Variants in CTNNA1 observed in about 807,000 individuals in gnomAD.
CTNNA1 encodes the protein catenin alpha 1.
CTNNA1 carries 37 observed loss-of-function variants against 98.4 expected under a neutral mutation model. The observed-to-expected ratio is 0.38, with a 90% CI of 0.29 to 0.49. The LOEUF (loss-of-function observed/expected upper bound fraction) is 0.49. Ranked by LOEUF, CTNNA1 falls within the 20% of genes least tolerant of loss-of-function variation. The pLI, the probability that CTNNA1 is intolerant of heterozygous loss-of-function variation, is 0.95. For missense variants in CTNNA1, 761 were observed against 1,147.2 expected, an observed-to-expected ratio of 0.66 and a Z score of 4.86; for synonymous variants, 404 against 413.2, an observed-to-expected ratio of 0.98 and a Z score of 0.27.
chr5:138,840,370 T>C (rs955386282), intron 7 of CTNNA1, among the ~76,000 whole-genome samples: 8 of 152,218 alleles, frequency 5.3e-5, no homozygotes, highest in African/African-American at 1.9e-4. Flanking sequence ...TAATCATAGC[T>C]GACAGGTCTC....
chr5:138,904,330 T>C lies in CTNNA1; in HGVS notation c.1297-19T>C, dbSNP rs751013107. The C allele has an allele frequency of 6.8e-6, 11 of 1,606,038 alleles. No homozygotes were observed. Among genetic ancestry groups the C allele is most frequent in the Non-Finnish European group, 9.3e-6 (11 of 1,176,526 alleles). On this transcript the variant is annotated intron_variant, in intron 9 of 17. Coordinates refer to ENST00000302763, the MANE Select transcript of CTNNA1 (RefSeq NM_001903.5). The stretch of plus-strand genomic sequence containing the variant: ...GTCAAAAGAGAAAAATCTTTAAAGA[T>C]TATTTTTTATGTTTATAGGTTGCCA...
chr5:138,838,147 C>T (rs1025676275), intron 7 of CTNNA1, among the ~76,000 whole-genome samples: 31 of 152,270 alleles, frequency 2.0e-4, no homozygotes, highest in Non-Finnish European at 3.1e-4. Flanking sequence ...ATGCTATACC[C>T]ACCTCAGCCT....
intron 10 of CTNNA1, chr5:138,904,904 C>T (rs1184858822): frequency 1.3e-5 from 2 of 151,356 alleles, no homozygotes; most frequent in African/African-American, 2.4e-5. Context: ...ACCATCCTGG[C>T]TAAAACGGTG....
At chr5:138,861,261 T>G (rs1280416944) in intron 7 of CTNNA1, among the ~76,000 whole-genome samples, 1 of 152,102 alleles carries the variant, frequency 6.6e-6, no homozygotes, top group Non-Finnish European at 1.5e-5. Flanking sequence ...CCTCAGGTGA[T>G]TTGCCCACTT....
intron 13 of CTNNA1, among the ~76,000 whole-genome samples, chr5:138,928,337 G>A (rs575619204): frequency 1.3e-5 from 2 of 152,266 alleles, no homozygotes; most frequent in African/African-American, 2.4e-5. Context: ...GCTAGGACCA[G>A]TAATCAGTCC....
intron 3 of CTNNA1, among the ~76,000 whole-genome samples, chr5:138,803,395 G>A (rs1035273665): frequency 6.6e-6 from 1 of 152,058 alleles, no homozygotes; most frequent in Non-Finnish European, 1.5e-5. Context: ...GTCTCAAGTG[G>A]TCCTCCTGCC....
At chr5:138,773,592 ACT>A (rs1419900037) in intron 1 of CTNNA1, among the ~76,000 whole-genome samples, 1 of 152,184 alleles carries the variant, frequency 6.6e-6, no homozygotes, top group African/African-American at 2.4e-5. Context: ...TTGAAAATAC[ACT>A]GAGTTCTCAA....
At chr5:138,889,953 C>T (rs999223229) in intron 9 of CTNNA1, among the ~76,000 whole-genome samples, 2 of 152,174 alleles carry the variant, frequency 1.3e-5, no homozygotes, top group Non-Finnish European at 2.9e-5. Flanking sequence ...CTTCTCCTCC[C>T]CTACCACTTT....
At chr5:138,899,342 G>T (rs1757544738) in intron 9 of CTNNA1, among the ~76,000 whole-genome samples, 1 of 152,176 alleles carries the variant, frequency 6.6e-6, no homozygotes, top group African/African-American at 2.4e-5. Context: ...CACCTGCTTA[G>T]AGGTACTACT....
At chr5:138,763,597 G>A (rs1375245333) in intron 1 of CTNNA1, among the ~76,000 whole-genome samples, 1 of 152,048 alleles carries the variant, frequency 6.6e-6, no homozygotes, top group African/African-American at 2.4e-5. Context: ...GCCCACCTTG[G>A]CCTCCAAAGT....
chr5:138,883,372 C>A (rs1753358855), intron 7 of CTNNA1, among the ~76,000 whole-genome samples: 1 of 152,144 alleles, frequency 6.6e-6, no homozygotes, highest in African/African-American at 2.4e-5. Context: ...AATAACTGCT[C>A]CTAAACTGCT....
chr5:138,854,105 G>C (rs999546654), intron 7 of CTNNA1, among the ~76,000 whole-genome samples: 5 of 152,168 alleles, frequency 3.3e-5, no homozygotes, highest in African/African-American at 1.2e-4. Flanking sequence ...TATTACATCT[G>C]CAAGACTTTC....
chr5:138,776,126 A>G (rs1204640737), intron 1 of CTNNA1, among the ~76,000 whole-genome samples: 1 of 127,640 alleles, frequency 7.8e-6, no homozygotes. Context: ...ACAACAGTGG[A>G]GGGAGGGTCA....
rs1756723487 is a variant in CTNNA1 at position 138,794,526 on chromosome 5, TG to T, written c.301+11155del. ...AGGCTTGATTGAGAAGATTAAAGTGTGTTATTCAGGATCATCCTCATGTCAT... is the reference window on the plus strand; with the variant it reads ...AGGCTTGATTGAGAAGATTAAAGTGTTTATTCAGGATCATCCTCATGTCAT... On this transcript the variant is annotated intron_variant, in intron 3 of 17. Coordinates refer to ENST00000302763, the MANE Select transcript of CTNNA1 (RefSeq NM_001903.5). Among the ~76,000 whole-genome samples the T allele has an allele frequency of 2.0e-5, 3 of 152,298 alleles. No homozygotes were observed. The South Asian group carries it at 6.2e-4, about 32-fold the overall frequency.
rs547005940 is a variant in CTNNA1 at position 138,760,752 on chromosome 5, C to A, written c.-3+7242C>A. ...TCTTAAAATTTTTCCAAATTCCTCTCCAGAAATGTACTTTATCATCACCTG... is the reference window on the plus strand; with the variant it reads ...TCTTAAAATTTTTCCAAATTCCTCTACAGAAATGTACTTTATCATCACCTG... On this transcript the variant is annotated intron_variant, in intron 1 of 17. Transcript: ENST00000302763. Among the ~76,000 whole-genome samples, 10 of 152,282 alleles carry A rather than the reference C, an allele frequency of 6.6e-5. No homozygotes were observed. The East Asian group carries it at 1.9e-3, about 29-fold the overall frequency.
chr5:138,916,935 C>T (rs768308281), intron 10 of CTNNA1, among the ~76,000 whole-genome samples: 26 of 151,700 alleles, frequency 1.7e-4, no homozygotes, highest in Admixed American at 7.9e-4. Context: ...CCACCACACC[C>T]GGCCAATTTT....
At chr5:138,789,503 G>A (rs1462880902) in intron 3 of CTNNA1, among the ~76,000 whole-genome samples, 2 of 152,124 alleles carry the variant, frequency 1.3e-5, no homozygotes, top group African/African-American at 4.8e-5. Flanking sequence ...TGTCGTCCAG[G>A]CCGGAATGCA....
At chr5:138,770,614 T>C (rs771723706) in intron 1 of CTNNA1, among the ~76,000 whole-genome samples, 8 of 152,202 alleles carry the variant, frequency 5.3e-5, no homozygotes, top group Non-Finnish European at 1.0e-4. Context: ...ACTCACTTGA[T>C]TAGTTCTTTC....
At chr5:138,901,124 C>T (rs1757934534) in intron 9 of CTNNA1, among the ~76,000 whole-genome samples, 1 of 152,008 alleles carries the variant, frequency 6.6e-6, no homozygotes. Flanking sequence ...TTTCTTTTCT[C>T]TTCTCTTCTC....
Sources: allele counts gnomAD v4.1 joint callset (sites outside exome capture counted in the v4.1 genomes callset), GRCh38; gene constraint gnomAD v4.1.1; transcripts MANE v1.5; gene names NCBI Gene and HGNC (gene_info 2026-07-23, HGNC 2026-07-21).